ZNF536: variants seen among roughly 807,000 people sequenced by gnomAD.
The protein encoded by ZNF536 is zinc finger protein 536.
A neutral mutation model predicts 84.5 loss-of-function variants in ZNF536; 13 were observed. That is an observed-to-expected ratio of 0.15 (90% confidence interval 0.10 to 0.24). The LOEUF is 0.24. ZNF536 is among the 10% of genes least tolerant of loss of function. The probability of loss-of-function intolerance (pLI) is 1.00; values close to 1 mark genes in which losing one functional copy is unlikely to be tolerated. For synonymous variants in ZNF536, 811 were observed against 742.5 expected (o/e 1.09, Z -1.50); for missense variants, 1,536 against 1,747.5 (o/e 0.88, Z 2.16).
chr19:30,310,828 A>G (rs1006444706), intron 2 of ZNF536, among the ~76,000 whole-genome samples: 1 of 152,144 alleles, frequency 6.6e-6, no homozygotes, highest in African/African-American at 2.4e-5. Context: ...CTATGAACTC[A>G]TTGTTATCCA....
At chr19:30,524,903 G>T (rs1195951378) in intron 2 of ZNF536, among the ~76,000 whole-genome samples, 2 of 152,042 alleles carry the variant, frequency 1.3e-5, no homozygotes, top group African/African-American at 4.8e-5. Context: ...TTATGAAGAA[G>T]CAAAGGCATA....
At chr19:30,515,616 G>A (rs1038605372) in intron 2 of ZNF536, among the ~76,000 whole-genome samples, 1 of 152,050 alleles carries the variant, frequency 6.6e-6, no homozygotes, top group African/African-American at 2.4e-5. Flanking sequence ...GGGCTTTCTC[G>A]GTCTTATACC....
intron 2 of ZNF536, among the ~76,000 whole-genome samples, chr19:30,517,921 G>A (rs372450030): frequency 1.8e-4 from 28 of 152,256 alleles, no homozygotes; most frequent in African/African-American, 6.0e-4. Flanking sequence ...CAGAAGCCCC[G>A]AAATAGGAAA....
intron 1 of ZNF536, among the ~76,000 whole-genome samples, chr19:30,654,260 C>T (rs1379867852): frequency 6.6e-5 from 10 of 152,144 alleles, no homozygotes; most frequent in South Asian, 2.1e-4. Flanking sequence ...CAGGTGTGAC[C>T]GCCCGGCATA....
intron 2 of ZNF536, among the ~76,000 whole-genome samples, chr19:30,304,634 T>C (rs1204246941): frequency 6.6e-6 from 1 of 152,166 alleles, no homozygotes; most frequent in Non-Finnish European, 1.5e-5. Flanking sequence ...CTGGGGGCAG[T>C]TGGGGCCAGC....
intron 2 of ZNF536, among the ~76,000 whole-genome samples, chr19:30,341,690 G>T (rs2047569873): frequency 6.6e-6 from 1 of 151,980 alleles, no homozygotes; most frequent in Non-Finnish European, 1.5e-5. Flanking sequence ...TTTATGCAGA[G>T]CTGGGATTTG....
At chr19:30,652,686 G>A (rs759582232) in intron 1 of ZNF536, among the ~76,000 whole-genome samples, 5 of 152,134 alleles carry the variant, frequency 3.3e-5, no homozygotes, top group Admixed American at 6.5e-5. Flanking sequence ...CCTCTCCTGG[G>A]TCTGGAGTCA....
chr19:30,417,148 ATTTTTTTTTTT>A (rs71173904), intron 1 of ZNF536, among the ~76,000 whole-genome samples: 7,705 of 100,314 alleles, frequency 0.077, 516 homozygotes, highest in African/African-American at 0.19. Flanking sequence ...TAATTTTTGT[ATTTTTTTTTTT>A]TTTTTTTTTT....
intron 1 of ZNF536, among the ~76,000 whole-genome samples, chr19:30,231,728 A>G (rs558321062): frequency 3.3e-5 from 5 of 152,248 alleles, no homozygotes; most frequent in Admixed American, 2.0e-4. Flanking sequence ...GAGTGAGCAG[A>G]TAATGTGTGT....
At chr19:30,450,294 C>T (rs1373694346) in intron 2 of ZNF536, among the ~76,000 whole-genome samples, 2 of 150,964 alleles carry the variant, frequency 1.3e-5, no homozygotes, top group East Asian at 3.9e-4. Context: ...TACCGGAGCT[C>T]GGGGAGGCTG....
At position 30,548,774 on chromosome 19, in the gene ZNF536, C is replaced by T. The variant is rs2146217049; in HGVS notation, c.3155C>T (p.Ala1052Val). The change falls in exon 4 of 5, where the codon GCC becomes GTC. Residue 1052 changes from alanine to valine, a missense_variant. Ala to Val is a moderately conservative substitution (Grantham distance 64). This residue lies in a region of ZNF536 where 624 missense variants were observed against 603.1 expected (regional missense o/e 1.03). Transcript: ENST00000355537. ...CAAGCCCGGGAGGCGAGTAAGATGG[C>T]CCTGCTGCCCTCGTTACAATCAAAC... is the stretch of plus-strand genomic sequence containing the variant. ...KDQAREASKM[A>V]LLPSLQSNKD... 1.2e-6 allele frequency: 2 copies of T among 1,613,844 alleles called. No homozygotes were observed. Among genetic ancestry groups the T allele is most frequent in the African/African-American group, 1.3e-5 (1 of 75,032 alleles).
chr19:30,389,932 G>T (rs1821274), intron 1 of ZNF536, among the ~76,000 whole-genome samples: 14,771 of 152,178 alleles, frequency 0.097, 2,385 homozygotes, highest in African/African-American at 0.33. Flanking sequence ...AGGAAAGAAG[G>T]CTTGCTGTTT....
At chr19:30,353,991 C>T (rs1351414822) in intron 3 of ZNF536, among the ~76,000 whole-genome samples, 3 of 152,152 alleles carry the variant, frequency 2.0e-5, no homozygotes, top group South Asian at 2.1e-4. Flanking sequence ...GCTTGCCTCC[C>T]GAGATGGAGA....
At chr19:30,449,351 G>T (rs955813231) in intron 2 of ZNF536, among the ~76,000 whole-genome samples, 1 of 152,158 alleles carries the variant, frequency 6.6e-6, no homozygotes, top group African/African-American at 2.4e-5. Context: ...TTTCTGGCTT[G>T]CATGCAAACA....
chr19:30,228,329 G>C (rs959343301), upstream of ZNF536: 1 of 152,168 alleles, frequency 6.6e-6, no homozygotes, highest in African/African-American at 2.4e-5. This position sits in a 1 kb window ranked among gnomAD's most constrained non-coding sequence, Gnocchi z 4.5. Context: ...AAGGAGAGGC[G>C]TGGGGACAGG....
At chr19:30,232,449 G>A (rs2023140628) in intron 1 of ZNF536, among the ~76,000 whole-genome samples, 1 of 150,874 alleles carries the variant, frequency 6.6e-6, no homozygotes, top group Admixed American at 6.6e-5. Flanking sequence ...CCCCCCTCTA[G>A]TGTCCCCCAG....
At chr19:30,507,081 G>A (rs779164156) in intron 2 of ZNF536, among the ~76,000 whole-genome samples, 43 of 152,304 alleles carry the variant, frequency 2.8e-4, no homozygotes, top group Non-Finnish European at 5.4e-4. Context: ...TACAGACCTG[G>A]CTGGGCGTGG....
chr19:30,481,766 C>A (rs934312078), intron 2 of ZNF536, among the ~76,000 whole-genome samples: 2 of 151,926 alleles, frequency 1.3e-5, no homozygotes, highest in Non-Finnish European at 2.9e-5. Flanking sequence ...TTGTGGTGCA[C>A]CCATCACCCC....
At chr19:30,446,121 T>C (rs1169134589) in intron 2 of ZNF536, among the ~76,000 whole-genome samples, 1 of 151,572 alleles carries the variant, frequency 6.6e-6, no homozygotes, top group African/African-American at 2.4e-5. Flanking sequence ...TGGTGATGCA[T>C]GCCTGTAATC....
Sources: gnomAD v4.1 joint callset for allele counts (sites outside exome capture counted in the v4.1 genomes callset) on GRCh38, gnomAD v4.1.1 for gene constraint, gnomAD v4.1.1 regional missense constraint, Gnocchi (gnomAD v3.1) non-coding constraint, MANE v1.5 for transcripts, NCBI Gene and HGNC (gene_info 2026-07-23, HGNC 2026-07-21) for gene names.